Variants in HMBOX1 observed in about 807,000 individuals in gnomAD.
HMBOX1 encodes homeobox containing 1.
Under a neutral mutation model 54.5 loss-of-function variants are expected in HMBOX1, and 14 were observed. That is an observed-to-expected ratio of 0.26 (90% CI 0.17 to 0.40). The LOEUF (loss-of-function observed/expected upper bound fraction) is 0.40. Ranked by LOEUF, HMBOX1 falls within the 10% of genes least tolerant of loss-of-function variation. HMBOX1 has a pLI of 1.00. For synonymous variants in HMBOX1, 160 were observed against 181.0 expected, an observed-to-expected ratio of 0.88 and a Z score of 0.93; for missense variants, 332 against 514.4, an observed-to-expected ratio of 0.65 and a Z score of 3.43.
chr8:29,049,192 T>C, intron 9 of HMBOX1, 144 bp downstream of exon 9: 1 of 1,495,452 alleles, frequency 6.7e-7, no homozygotes, highest in Admixed American at 2.0e-5. Context: ...TCTAGTTAGA[T>C]TTCATGTAAT....
At chr8:28,982,602 A>C (rs906019334) in intron 4 of HMBOX1, among the ~76,000 whole-genome samples, 2 of 150,698 alleles carry the variant, frequency 1.3e-5, no homozygotes, top group East Asian at 3.9e-4. Context: ...GTTGTGCACC[A>C]CCACACCCGG....
intron 1 of HMBOX1, among the ~76,000 whole-genome samples, chr8:28,894,297 T>A (rs1811632833): frequency 6.6e-6 from 1 of 152,148 alleles, no homozygotes; most frequent in Non-Finnish European, 1.5e-5. Context: ...ACTTTTATGT[T>A]TATTTATTTA....
chr8:28,950,157 A>T (rs1467058525), intron 1 of HMBOX1, among the ~76,000 whole-genome samples: 1 of 152,144 alleles, frequency 6.6e-6, no homozygotes, highest in Non-Finnish European at 1.5e-5. Context: ...TACCCAGGAG[A>T]TATGGCATTG....
At chr8:29,037,894 G>GT (rs1804168104) in intron 6 of HMBOX1, among the ~76,000 whole-genome samples, 1 of 152,130 alleles carries the variant, frequency 6.6e-6, no homozygotes, top group Non-Finnish European at 1.5e-5. Context: ...CCACTGCCCA[G>GT]TAAGTTTACT....
Position 28,988,157 on chromosome 8 carries a change from T to C in HMBOX1, c.586+8001T>C, listed in dbSNP as rs145438289. Among the ~76,000 whole-genome samples, 169 of 152,364 alleles carry C rather than the reference T, an allele frequency of 1.1e-3. 3 individuals are homozygous for C. In the East Asian group the frequency reaches 0.03, roughly 27 times the overall value. On this transcript the variant is annotated intron_variant, in intron 4 of 9. Transcript: ENST00000287701. ...CTATTGATTTGCCTTTTCTAGAATT[T>C]CATATCAGTGGAATCATACAAAACA... is the stretch of plus-strand genomic sequence containing the variant.
intron 1 of HMBOX1, among the ~76,000 whole-genome samples, chr8:28,903,688 T>C (rs898653098): frequency 1.3e-5 from 2 of 152,242 alleles, no homozygotes; most frequent in Admixed American, 6.5e-5. Context: ...GCAAAAGACA[T>C]CTTAAATGAC....
At chr8:28,949,596 G>A (rs1323758724) in intron 1 of HMBOX1, 5 of 152,102 alleles carry the variant, frequency 3.3e-5, no homozygotes, top group Non-Finnish European at 5.9e-5. Flanking sequence ...GAACCCTTAA[G>A]ATGATCTTAC....
intron 4 of HMBOX1, among the ~76,000 whole-genome samples, chr8:28,998,953 C>T (rs2132694312): frequency 6.6e-6 from 1 of 151,810 alleles, no homozygotes; most frequent in African/African-American, 2.4e-5. Context: ...TATTGTGTGC[C>T]CATCAACTTA....
intron 1 of HMBOX1, among the ~76,000 whole-genome samples, chr8:28,948,862 C>T (rs1263764741): frequency 6.6e-6 from 1 of 152,072 alleles, no homozygotes; most frequent in Non-Finnish European, 1.5e-5. Flanking sequence ...TGGGAAACTT[C>T]TGGGGTAAGG....
intron 1 of HMBOX1, among the ~76,000 whole-genome samples, chr8:28,908,646 G>A (rs1814797689): frequency 6.6e-6 from 1 of 152,076 alleles, no homozygotes; most frequent in Non-Finnish European, 1.5e-5. Context: ...TCCCAGCTAT[G>A]TGGGAGGCTG....
Sources: gnomAD v4.1 joint callset for allele counts (sites outside exome capture counted in the v4.1 genomes callset) on GRCh38, gnomAD v4.1.1 for gene constraint, MANE v1.5 for transcripts, NCBI Gene and HGNC (gene_info 2026-07-23, HGNC 2026-07-21) for gene names.